Variants in PRKAR1B observed in about 807,000 individuals in gnomAD.
PRKAR1B encodes cAMP-dependent protein kinase type I-beta regulatory subunit.
A neutral mutation model predicts 46.5 loss-of-function variants in PRKAR1B; 22 were observed. That is an observed-to-expected ratio of 0.47 (90% CI 0.34 to 0.68). PRKAR1B has a LOEUF of 0.68. Among genes scored for constraint, PRKAR1B ranks in the 30% least tolerant of loss-of-function variants. The pLI is 0.01. For missense variants in PRKAR1B, 445 were observed against 535.6 expected, an observed-to-expected ratio of 0.83 and a Z score of 1.67; for synonymous variants, 259 against 217.7, an observed-to-expected ratio of 1.19 and a Z score of -1.67.
At position 699,841 on chromosome 7, in the gene PRKAR1B, G is replaced by A. The variant is rs142663134; in HGVS notation, c.177+11488C>T. On this transcript the variant is annotated intron_variant, in intron 2 of 10. Transcript: ENST00000537384. The stretch of plus-strand genomic sequence containing the variant: ...GAGAGCACTGGAAAGGTTTGGGAAG[G>A]TTTTAAGAAGGGGGAGCAGTTCAAT... Among the ~76,000 whole-genome samples the A allele has an allele frequency of 1.7e-3, 257 of 152,258 alleles. 1 individual carries two copies. The highest frequency in any genetic ancestry group is 5.9e-3 in the African/African-American group (245 of 41,548).
chr7:632,912 ACAGTG>A (rs1783840944), intron 4 of PRKAR1B, among the ~76,000 whole-genome samples: 1 of 152,186 alleles, frequency 6.6e-6, no homozygotes, highest in Non-Finnish European at 1.5e-5. Flanking sequence ...CTGGGGCCAC[ACAGTG>A]CCTGTCCGGG....
At chr7:728,209 T>G (rs2128067856), upstream of PRKAR1B, among the ~76,000 whole-genome samples, 1 of 151,886 alleles carries the variant, frequency 6.6e-6, no homozygotes, top group East Asian at 1.9e-4. Context: ...CTGGCTGGGA[T>G]GTGGAATGAT....
At chr7:568,494 G>A (rs985473345) in intron 9 of PRKAR1B, among the ~76,000 whole-genome samples, 9 of 152,312 alleles carry the variant, frequency 5.9e-5, no homozygotes, top group East Asian at 1.9e-4. Context: ...GGCCCGCCCC[G>A]GGCATGCGGA....
At position 714,026 on chromosome 7, in the gene PRKAR1B, G is replaced by A. The variant is rs763815937; in HGVS notation, c.-22-2499C>T. Among the ~76,000 whole-genome samples, 2 of 152,124 alleles carry A rather than the reference G, an allele frequency of 1.3e-5. No individual in the cohort carries two copies. The highest frequency in any genetic ancestry group is 2.9e-5 in the Non-Finnish European group (2 of 68,030). On this transcript the variant is annotated intron_variant, in intron 1 of 10. Coordinates refer to ENST00000537384, the MANE Select transcript of PRKAR1B (RefSeq NM_001164760.2). This position sits in a 1 kb window ranked among gnomAD's most constrained non-coding sequence, Gnocchi z 4.3. ...CCTCTGGCTCTCCCAGCCCTGGCCTGCCTGGAGCTGCTGCTGACCAGCAGT... is the reference window on the plus strand; with the variant it reads ...CCTCTGGCTCTCCCAGCCCTGGCCTACCTGGAGCTGCTGCTGACCAGCAGT...
chr7:701,593 G>C lies in PRKAR1B; in HGVS notation c.177+9736C>G, dbSNP rs368501244. On this transcript the variant is annotated intron_variant, in intron 2 of 10. Transcript: ENST00000537384. The stretch of plus-strand genomic sequence containing the variant: ...CTCAGACACATTGTACTCAAACTCT[G>C]ACAAACTAAATACACAGGGAAAATC... Among the ~76,000 whole-genome samples, 43 of 152,254 alleles carry C rather than the reference G, an allele frequency of 2.8e-4. No homozygotes were observed. The South Asian group carries it at 8.1e-3, about 29-fold the overall frequency.
chr7:565,016 C>CA (rs1779044954), intron 9 of PRKAR1B: 1 of 152,232 alleles, frequency 6.6e-6, no homozygotes, highest in Admixed American at 6.5e-5. Context: ...CCTGGGCTTC[C>CA]ACCCAAGGAG....
intron 6 of PRKAR1B, among the ~76,000 whole-genome samples, chr7:596,922 C>T (rs898949431): frequency 4.6e-5 from 7 of 152,264 alleles, no homozygotes; most frequent in African/African-American, 9.6e-5. Flanking sequence ...TCTGAATGGG[C>T]GCCCTATGGC....
intron 2 of PRKAR1B, among the ~76,000 whole-genome samples, chr7:684,209 T>G (rs1327531332): frequency 6.6e-6 from 1 of 152,176 alleles, no homozygotes; most frequent in Non-Finnish European, 1.5e-5. Flanking sequence ...AATGCCCACC[T>G]CTGCCTGTGC....
At chr7:626,024 A>AAAAG (rs1562570977) in intron 4 of PRKAR1B, among the ~76,000 whole-genome samples, 9 of 149,578 alleles carry the variant, frequency 6.0e-5, no homozygotes, top group Middle Eastern at 3.5e-3. Context: ...AAAAAAAAAA[A>AAAAG]AAAGAAAGAA....
intron 1 of PRKAR1B, among the ~76,000 whole-genome samples, chr7:717,378 C>T (rs778454325): frequency 1.3e-5 from 2 of 151,942 alleles, no homozygotes; most frequent in African/African-American, 2.4e-5. Flanking sequence ...ACAATGTGGC[C>T]AGGCATCGTG....
chr7:711,760 G>C (rs1010701064), intron 1 of PRKAR1B, among the ~76,000 whole-genome samples: 4 of 152,140 alleles, frequency 2.6e-5, no homozygotes, highest in African/African-American at 9.7e-5. Context: ...CTCAGGCAGG[G>C]GGGGAGGGGG....
chr7:695,831 T>G (rs1181225573), intron 2 of PRKAR1B, among the ~76,000 whole-genome samples: 1 of 151,632 alleles, frequency 6.6e-6, no homozygotes, highest in Non-Finnish European at 1.5e-5. Flanking sequence ...GCCCGGCTAA[T>G]TTTTTTGTAT....
At chr7:685,299 TATATATACGTATATATAC>T (rs1562615623) in intron 2 of PRKAR1B, among the ~76,000 whole-genome samples, 3 of 9,852 alleles carry the variant, frequency 3.0e-4, no homozygotes, top group East Asian at 8.6e-3. Flanking sequence ...TGTATACATA[TATATATACGTATATATAC>T]GTATATATAC....
chr7:615,952 AAAAT>A (rs772303080), intron 4 of PRKAR1B, among the ~76,000 whole-genome samples: 1 of 151,920 alleles, frequency 6.6e-6, no homozygotes, highest in African/African-American at 2.4e-5. Context: ...GAAAGAAAGA[AAAAT>A]AAAAAAAGAA....
At chr7:712,102 A>C (rs2128529958) in intron 1 of PRKAR1B, among the ~76,000 whole-genome samples, 1 of 151,666 alleles carries the variant, frequency 6.6e-6, no homozygotes. Context: ...GCGGCCGCGC[A>C]GCGAAGTCAC....
chr7:725,862 A>G (rs1357294424), intron 1 of PRKAR1B, among the ~76,000 whole-genome samples: 2 of 152,248 alleles, frequency 1.3e-5, no homozygotes, highest in South Asian at 4.2e-4. Context: ...CACACCACTA[A>G]TCTGGCTCAA....
chr7:653,255 A>AG (rs1424751919), intron 4 of PRKAR1B, among the ~76,000 whole-genome samples: 1 of 152,160 alleles, frequency 6.6e-6, no homozygotes, highest in East Asian at 1.9e-4. Context: ...AGTACACCAT[A>AG]GGGAACCTTG....
chr7:571,121 C>T lies in PRKAR1B; in HGVS notation c.891+8135G>A, dbSNP rs146649642. 7.4e-3 allele frequency among the ~76,000 whole-genome samples: 1,124 copies of T among 152,308 alleles called. 11 individuals are homozygous for T. Among genetic ancestry groups the T allele is most frequent in the African/African-American group, 0.025 (1,034 of 41,556 alleles). ...CCTCCAGAAGGCGGCCCCAAAAGAG[C>T]GACAAGTAGGAACTGAAAGGGCCAC... On this transcript the variant is annotated intron_variant, in intron 9 of 10. Coordinates refer to ENST00000537384, the MANE Select transcript of PRKAR1B (RefSeq NM_001164760.2).
intron 2 of PRKAR1B, among the ~76,000 whole-genome samples, chr7:702,987 C>G (rs1477443598): frequency 6.6e-6 from 1 of 151,758 alleles, no homozygotes; most frequent in African/African-American, 2.4e-5. Context: ...CAGAAACTGT[C>G]AAATCATATA....
Sources: gnomAD v4.1 joint callset for allele counts (sites outside exome capture counted in the v4.1 genomes callset) on GRCh38, gnomAD v4.1.1 for gene constraint, Gnocchi (gnomAD v3.1) non-coding constraint, MANE v1.5 for transcripts, NCBI Gene and HGNC (gene_info 2026-07-23, HGNC 2026-07-21) for gene names.